FHOD3: variants seen among roughly 807,000 people sequenced by gnomAD.
FHOD3 encodes the protein formin homology 2 domain containing 3, also known as FH1/FH2 domain-containing protein 3.
Under a neutral mutation model 173.0 loss-of-function variants are expected in FHOD3, and 90 were observed. The ratio of observed to expected loss-of-function variants is 0.52; its 90% CI spans 0.44 to 0.62. The LOEUF is 0.62. FHOD3 is among the 20% of genes least tolerant of loss of function. FHOD3 has a pLI of 0.00. For synonymous variants in FHOD3, 828 were observed against 823.0 expected, an observed-to-expected ratio of 1.01 and a Z score of -0.10; for missense variants, 1,945 against 2,034.7, an observed-to-expected ratio of 0.96 and a Z score of 0.85.
chr18:36,583,675 A>C (rs2058931652), intron 6 of FHOD3, among the ~76,000 whole-genome samples: 1 of 152,188 alleles, frequency 6.6e-6, no homozygotes. Flanking sequence ...TGTGAGTGCC[A>C]TGGAGAGCAG....
chr18:36,608,231 A>C (rs1310583023), intron 8 of FHOD3, among the ~76,000 whole-genome samples: 1 of 152,214 alleles, frequency 6.6e-6, no homozygotes, highest in East Asian at 1.9e-4. Context: ...TTTATTACTC[A>C]CAGTTCTTGA....
At chr18:36,477,449 G>T (rs2053630974) in intron 3 of FHOD3, among the ~76,000 whole-genome samples, 1 of 151,948 alleles carries the variant, frequency 6.6e-6, no homozygotes, top group Non-Finnish European at 1.5e-5. Context: ...CAGGGAAATA[G>T]CCAAAATGTG....
rs142390212 is a variant in FHOD3, at chr18:36,666,302, G to A, written c.1835+8114G>A. Among the ~76,000 whole-genome samples, 170 of 152,368 alleles carry A rather than the reference G, an allele frequency of 1.1e-3. 3 individuals are homozygous for A. The highest frequency in any genetic ancestry group is 1.1e-3 in the Non-Finnish European group (77 of 68,038). ...CTGTCTTCAGGATTGTAGCAGTGGT[G>A]ATGAGAAAAGCTGCCTGTTTCTTGG... On this transcript the variant is annotated intron_variant, in intron 14 of 28. Transcript: ENST00000590592.
chr18:36,426,273 C>A (rs2147164101), intron 3 of FHOD3, among the ~76,000 whole-genome samples: 1 of 152,256 alleles, frequency 6.6e-6, no homozygotes, highest in African/African-American at 2.4e-5. Context: ...TCTCATCTTT[C>A]AAATAAGGAA....
At chr18:36,690,734 A>T (rs890368961) in intron 16 of FHOD3, among the ~76,000 whole-genome samples, 7 of 151,110 alleles carry the variant, frequency 4.6e-5, no homozygotes, top group Non-Finnish European at 7.4e-5. Context: ...CCGCCATATA[A>T]AAAAAAAACT....
intron 1 of FHOD3, among the ~76,000 whole-genome samples, chr18:36,310,621 AG>A (rs1468356654): frequency 2.0e-5 from 3 of 148,548 alleles, no homozygotes; most frequent in Non-Finnish European, 4.4e-5. Flanking sequence ...TGGGAGGTGG[AG>A]GTTGCAGTGA....
intron 1 of FHOD3, among the ~76,000 whole-genome samples, chr18:36,321,514 G>A (rs1361817127): frequency 1.3e-5 from 2 of 152,178 alleles, no homozygotes; most frequent in Non-Finnish European, 2.9e-5. Context: ...CTGCAAATGG[G>A]ACTGCTGCTG....
intron 10 of FHOD3, among the ~76,000 whole-genome samples, chr18:36,643,533 G>A (rs1272157974): frequency 6.6e-6 from 1 of 152,150 alleles, no homozygotes; most frequent in Non-Finnish European, 1.5e-5. Context: ...ACAAGATAGT[G>A]TTAATTATTT....
chr18:36,513,063 A>G (rs1217162054), intron 5 of FHOD3, among the ~76,000 whole-genome samples: 4 of 152,280 alleles, frequency 2.6e-5, no homozygotes, highest in Non-Finnish European at 5.9e-5. Context: ...GATTTCATTT[A>G]TAAAGCGATG....
intron 28 of FHOD3, among the ~76,000 whole-genome samples, chr18:36,769,768 T>C (rs768670289): frequency 6.6e-6 from 1 of 152,088 alleles, no homozygotes; most frequent in Non-Finnish European, 1.5e-5. Context: ...AAGTCCAGCC[T>C]AAGATGCTCT....
At chr18:36,299,100 T>C (rs1427745148) in intron 1 of FHOD3, among the ~76,000 whole-genome samples, 1 of 152,180 alleles carries the variant, frequency 6.6e-6, no homozygotes, top group Non-Finnish European at 1.5e-5. Flanking sequence ...GCTTTGCAAG[T>C]AGAGGAGGAG....
chr18:36,521,140 A>G (rs2056252053), intron 5 of FHOD3, among the ~76,000 whole-genome samples: 1 of 152,188 alleles, frequency 6.6e-6, no homozygotes, highest in Non-Finnish European at 1.5e-5. Flanking sequence ...TTCTGAGGAA[A>G]TATCAGTTGG....
chr18:36,659,953 G>A (rs1183738673), intron 14 of FHOD3, among the ~76,000 whole-genome samples: 1 of 152,146 alleles, frequency 6.6e-6, no homozygotes, highest in Non-Finnish European at 1.5e-5. Context: ...AGGAGGGTGG[G>A]CAGTTAAACC....
At chr18:36,720,703 C>CTCCTCCTCCTCCTTCTCT in intron 19 of FHOD3, among the ~76,000 whole-genome samples, 1 of 150,496 alleles carries the variant, frequency 6.6e-6, no homozygotes, top group Non-Finnish European at 1.5e-5. Flanking sequence ...CCTCCTTCTC[C>CTCCTCCTCCTCCTTCTCT]TCCTCCTCCT....
intron 9 of FHOD3, among the ~76,000 whole-genome samples, chr18:36,615,077 C>T (rs968618240): frequency 7.2e-5 from 11 of 151,902 alleles, no homozygotes; most frequent in African/African-American, 2.2e-4. Flanking sequence ...CTCAAACTCC[C>T]GACCTCAGGT....
rs749305567 is a variant in FHOD3, at chr18:36,718,106, T to C, written c.2808T>C (p.Ser936=). The C allele has an allele frequency of 3.1e-5, 49 of 1,600,470 alleles. No homozygotes were observed. The Middle Eastern group carries it at 1.2e-3, about 38-fold the overall frequency. Residue 936 remains serine (S), a synonymous_variant, in exon 19 of 29, where the codon AGT becomes AGC. Coordinates refer to ENST00000590592, the MANE Select transcript of FHOD3 (RefSeq NM_001281740.3). Reference sequence around the variant, plus strand: ...TCGGCTGTTTGGACAATCGGGGCAGTGTGAAAGCATTTGCTGAGAAATTCA... The same window carrying C: ...TCGGCTGTTTGGACAATCGGGGCAGCGTGAAAGCATTTGCTGAGAAATTCA... ...VDVGCLDNRG[S]VKAFAEKFNS... is the part of the protein sequence containing the mutation.
chr18:36,708,078 A>G (rs759438928), intron 17 of FHOD3, among the ~76,000 whole-genome samples: 1 of 152,150 alleles, frequency 6.6e-6, no homozygotes, highest in Non-Finnish European at 1.5e-5. Context: ...AAAATAAATA[A>G]ATAAAAATAA....
chr18:36,437,603 T>A (rs758936407), intron 3 of FHOD3, among the ~76,000 whole-genome samples: 1 of 152,008 alleles, frequency 6.6e-6, no homozygotes, highest in Non-Finnish European at 1.5e-5. Context: ...GCAATGGACT[T>A]GAAATGTCCT....
At chr18:36,563,211 C>T (rs939128828) in intron 5 of FHOD3, among the ~76,000 whole-genome samples, 1 of 152,190 alleles carries the variant, frequency 6.6e-6, no homozygotes, top group African/African-American at 2.4e-5. Flanking sequence ...AATTGTTTTA[C>T]ATAACATCCA....
Sources: allele counts gnomAD v4.1 joint callset (sites outside exome capture counted in the v4.1 genomes callset), GRCh38; gene constraint gnomAD v4.1.1; transcripts MANE v1.5; gene names NCBI Gene and HGNC (gene_info 2026-07-23, HGNC 2026-07-21).